IQSEC3: variants seen among roughly 807,000 people sequenced by gnomAD.
IQSEC3 encodes the protein IQ motif and SEC7 domain-containing protein 3.
In IQSEC3, 50 loss-of-function variants were observed where a neutral mutation model predicts 105.4. The observed-to-expected ratio is 0.47, with a 90% CI of 0.38 to 0.60. The LOEUF (loss-of-function observed/expected upper bound fraction) is 0.60, where lower values mean the gene tolerates loss of function less well. IQSEC3 is among the 20% of genes least tolerant of loss of function. IQSEC3 has a pLI of 0.00. For synonymous variants in IQSEC3, 708 were observed against 746.0 expected (o/e 0.95, Z 0.83); for missense variants, 1,415 against 1,630.0 (o/e 0.87, Z 2.27).
At chr12:114,190 G>A (rs1555080153) in intron 2 of IQSEC3, among the ~76,000 whole-genome samples, 1 of 152,156 alleles carries the variant, frequency 6.6e-6, no homozygotes, top group Admixed American at 6.5e-5. Flanking sequence ...GGGCAGAGAG[G>A]GAGAACTCAA....
chr12:120,886 G>A (rs75974509), intron 2 of IQSEC3, among the ~76,000 whole-genome samples: 1,563 of 152,258 alleles, frequency 0.01, 12 homozygotes, highest in Non-Finnish European at 0.017. Flanking sequence ...TGCCACCCAC[G>A]TTCTACTTTT....
intron 1 of IQSEC3, chr12:77,791 C>T (rs1174143112): frequency 6.7e-6 from 1 of 148,874 alleles, no homozygotes; most frequent in East Asian, 1.9e-4. Context: ...CCCTCAGTCC[C>T]TGCGCCCCCG....
intron 1 of IQSEC3, among the ~76,000 whole-genome samples, chr12:74,595 G>A (rs1408504275): frequency 6.6e-6 from 1 of 152,260 alleles, no homozygotes; most frequent in Non-Finnish European, 1.5e-5. Context: ...CCTGGCAGGT[G>A]GGCTGCTATG....
chr12:138,235 G>A lies in IQSEC3; in HGVS notation c.904-32G>A. The A allele has an allele frequency of 6.4e-7, 1 of 1,570,290 alleles. No individual in the cohort carries two copies. Among genetic ancestry groups the A allele is most frequent in the East Asian group, 2.3e-5 (1 of 44,408 alleles). ...AGGGCTGACCACCCTTCCCCTCTGA[G>A]CCCTTCCTCCTCTCTGTCCTCGTCC... On this transcript the variant is annotated intron_variant, in intron 3 of 13. Transcript: ENST00000538872. This position sits in a 1 kb window ranked among gnomAD's most constrained non-coding sequence, Gnocchi z 7.1.
Position 70,036 on chromosome 12 carries a change from GAA to G in IQSEC3, c.554+2601_554+2602del, listed in dbSNP as rs782435080. Among the ~76,000 whole-genome samples, 172 of 152,336 alleles carry G rather than the reference GAA, an allele frequency of 1.1e-3. No individual in the cohort carries two copies. In the East Asian group the frequency reaches 0.031, roughly 28 times the overall value. On this transcript the variant is annotated intron_variant, in intron 1 of 13. Transcript: ENST00000538872. ...TCTACTGGGAGTGCTGAAGCGGGAGGAAGAGATGGCACAGTGGGTCTTCCAAT... is the reference window on the plus strand; with the variant it reads ...TCTACTGGGAGTGCTGAAGCGGGAGGGAGATGGCACAGTGGGTCTTCCAAT...
rs555549608 is a variant in IQSEC3, at chr12:152,095, G to A, written c.2154-4930G>A. On this transcript the variant is annotated intron_variant, in intron 5 of 13. Transcript: ENST00000538872. The surrounding 1 kb of genome is among the most constrained non-coding windows in gnomAD (Gnocchi z 4.8). ...TTGCTGGCCACTTACACCAGGTCCCGAGCACAGCCTTGCACACGGGGCCAC... is the reference window on the plus strand; with the variant it reads ...TTGCTGGCCACTTACACCAGGTCCCAAGCACAGCCTTGCACACGGGGCCAC... Among the ~76,000 whole-genome samples, 5 of 151,628 alleles carry A rather than the reference G, an allele frequency of 3.3e-5. No homozygotes were observed. The highest frequency in any genetic ancestry group is 9.7e-5 in the African/African-American group (4 of 41,278).
In IQSEC3 at chr12:145,997, C is replaced by T. The variant is rs114499019; in HGVS notation, c.2153+4712C>T. Among the ~76,000 whole-genome samples the T allele has an allele frequency of 8.7e-3, 1,332 of 152,304 alleles. 25 individuals carry two copies. Among genetic ancestry groups the T allele is most frequent in the African/African-American group, 0.03 (1,266 of 41,550 alleles). ...TCCTGGGTGTTCCTTCCCTCCACTG[C>T]GTCTGCTCCATCCTTTGTTAAATTC... is the stretch of plus-strand genomic sequence containing the variant. On this transcript the variant is annotated intron_variant, in intron 5 of 13. Transcript: ENST00000538872.
chr12:84,716 A>G (rs1863859974), intron 1 of IQSEC3, among the ~76,000 whole-genome samples: 1 of 152,204 alleles, frequency 6.6e-6, no homozygotes, highest in Admixed American at 6.5e-5. Context: ...CAGATTCACC[A>G]GAAGCAAACA....
Position 165,805 on chromosome 12 carries a change from G to A in IQSEC3, c.2886G>A (p.Leu962=). ...AGCAGGTGCTGCATTTCTGTGCCCT[G>A]GGCTCGGACGAGATGCAGAAGTTCG... is the stretch of plus-strand genomic sequence containing the variant. ...EKKQVLHFCA[L]GSDEMQKFVE... The change falls in exon 11 of 14, where the codon CTG becomes CTA. Residue 962 remains leucine, a synonymous_variant. Transcript: ENST00000538872. 6.2e-7 allele frequency: 1 copy of A among 1,614,064 alleles called. No homozygotes were observed. Among genetic ancestry groups the A allele is most frequent in the Non-Finnish European group, 8.5e-7 (1 of 1,180,040 alleles).
In IQSEC3 at chr12:157,160, C is replaced by G. The variant is rs782336993; in HGVS notation, c.2276+13C>G. The G allele has an allele frequency of 3.6e-5, 56 of 1,544,828 alleles. No individual in the cohort carries two copies. The South Asian group carries it at 6.7e-4, about 18-fold the overall frequency. ...TTGAGGCCTTCAGGTAAGGCCGCTTCCCAGCTCCACTCCCCAACAGACCCC... is the reference window on the plus strand; with the variant it reads ...TTGAGGCCTTCAGGTAAGGCCGCTTGCCAGCTCCACTCCCCAACAGACCCC... On this transcript the variant is annotated intron_variant, in intron 6 of 13. Coordinates refer to ENST00000538872, the MANE Select transcript of IQSEC3 (RefSeq NM_001170738.2).
intron 1 of IQSEC3, among the ~76,000 whole-genome samples, chr12:80,581 C>T (rs1380698094): frequency 6.6e-6 from 1 of 152,144 alleles, no homozygotes; most frequent in Non-Finnish European, 1.5e-5. Flanking sequence ...TGTATTCTTC[C>T]TTTCACTTAA....
chr12:76,395 T>C (rs1434138082), intron 1 of IQSEC3, among the ~76,000 whole-genome samples: 1 of 152,254 alleles, frequency 6.6e-6, no homozygotes, highest in East Asian at 1.9e-4. Context: ...CGTGGGCAAC[T>C]GTGTGTTACT....
intron 5 of IQSEC3, among the ~76,000 whole-genome samples, chr12:146,109 TC>T (rs782549824): frequency 2.0e-5 from 3 of 152,244 alleles, no homozygotes; most frequent in Non-Finnish European, 4.4e-5. Context: ...ACAGATTTGT[TC>T]TTCTTAGAGG....
Position 152,617 on chromosome 12 carries a change from C to A in IQSEC3, c.2154-4408C>A, listed in dbSNP as rs185814998. Among the ~76,000 whole-genome samples, 1 of 152,126 alleles carries A rather than the reference C, an allele frequency of 6.6e-6. No homozygotes were observed. The highest frequency in any genetic ancestry group is 2.4e-5 in the African/African-American group (1 of 41,416). ...CTTGAGAAGATGAGGTCATTGCACA[C>A]ATAGTGAAGCACTTAGAGCCATACT... On this transcript the variant is annotated intron_variant, in intron 5 of 13. Coordinates refer to ENST00000538872, the MANE Select transcript of IQSEC3 (RefSeq NM_001170738.2). The surrounding 1 kb of genome is among the most constrained non-coding windows in gnomAD (Gnocchi z 4.8).
rs782799379 is a variant in IQSEC3 at position 138,471 on chromosome 12, C to G, written c.1108C>G (p.Leu370Val). Residue 370 changes from leucine (L) to valine (V), a missense_variant, in exon 4 of 14, where the codon CTC (leucine) becomes GTC (valine). Coordinates refer to ENST00000538872, the MANE Select transcript of IQSEC3 (RefSeq NM_001170738.2). This position sits in a 1 kb window ranked among gnomAD's most constrained non-coding sequence, Gnocchi z 7.1. ...CGAGAGCCTGGCGGCCGAGAAAGCG[C>G]TCATGGAGGGCTACGGCCTCGTGGG... ...TAESLAAEKA[L>V]MEGYGLVGLP... The G allele has an allele frequency of 6.2e-7, 1 of 1,600,306 alleles. No individual in the cohort carries two copies. Among genetic ancestry groups the G allele is most frequent in the Non-Finnish European group, 8.5e-7 (1 of 1,178,300 alleles).
Position 97,079 on chromosome 12 carries a change from A to G in IQSEC3, c.555-2067A>G, listed in dbSNP as rs148700853. On this transcript the variant is annotated intron_variant, in intron 1 of 13. Transcript: ENST00000538872. ...ACTAGTAAGCATCTTTCCATTGGCT[A>G]TGAATTTGTTCTTAATTTGAGTTTG... Among the ~76,000 whole-genome samples, 13 of 152,306 alleles carry G rather than the reference A, an allele frequency of 8.5e-5. No homozygotes were observed. The East Asian group carries it at 2.5e-3, about 29-fold the overall frequency.
chr12:89,892 G>T (rs2136900906), intron 1 of IQSEC3, among the ~76,000 whole-genome samples: 1 of 152,256 alleles, frequency 6.6e-6, no homozygotes, highest in Non-Finnish European at 1.5e-5. Context: ...TACATGAATA[G>T]TTTCGTATCA....
intron 2 of IQSEC3, chr12:106,703 T>C (rs1362960055): frequency 6.6e-6 from 1 of 152,260 alleles, no homozygotes; most frequent in Non-Finnish European, 1.5e-5. Flanking sequence ...GGAAGCTTCT[T>C]GTTGGAATCT....
chr12:86,673 T>C (rs1400594009), intron 1 of IQSEC3, among the ~76,000 whole-genome samples: 6 of 152,142 alleles, frequency 3.9e-5, no homozygotes, highest in Non-Finnish European at 8.8e-5. Flanking sequence ...GCGCACGGCC[T>C]AGTACAAGCA....
Sources: gnomAD v4.1 joint callset for allele counts (sites outside exome capture counted in the v4.1 genomes callset) on GRCh38, gnomAD v4.1.1 for gene constraint, Gnocchi (gnomAD v3.1) non-coding constraint, MANE v1.5 for transcripts, NCBI Gene and HGNC (gene_info 2026-07-23, HGNC 2026-07-21) for gene names.